The following SNX6 variants were observed in gnomAD, a reference collection of about 807,000 sequenced individuals.
The protein encoded by SNX6 is sorting nexin 6, also known as sorting nexin-6.
In SNX6, 34 loss-of-function variants were observed where a neutral mutation model predicts 63.0. The observed-to-expected ratio is 0.54, with a 90% CI of 0.41 to 0.72. SNX6 has a LOEUF of 0.72. Ranked by LOEUF, SNX6 falls within the 30% of genes least tolerant of loss-of-function variation. The pLI, the probability that SNX6 is intolerant of heterozygous loss-of-function variation, is 0.00. For synonymous variants in SNX6, 170 were observed against 164.2 expected (o/e 1.04, Z -0.27); for missense variants, 398 against 471.4 (o/e 0.84, Z 1.44).
At chr14:34,612,397 G>A (rs1883266219) in intron 2 of SNX6, among the ~76,000 whole-genome samples, 1 of 152,138 alleles carries the variant, frequency 6.6e-6, no homozygotes, top group Non-Finnish European at 1.5e-5. Flanking sequence ...GGGATTTTGA[G>A]ATTATCCTGG....
Position 34,563,080 on chromosome 14 carries a change from T to C in SNX6, c.*42A>G. 6.3e-7 allele frequency: 1 copy of C among 1,588,322 alleles called. No homozygotes were observed. Among genetic ancestry groups the C allele is most frequent in the Non-Finnish European group, 8.6e-7 (1 of 1,161,596 alleles). ...TCATTAAGAAAACAAAAATAAAATTTGAAGGAAGGCAGCCCTTTTTAACAG... is the reference window on the plus strand; with the variant it reads ...TCATTAAGAAAACAAAAATAAAATTCGAAGGAAGGCAGCCCTTTTTAACAG... On this transcript the variant is annotated 3_prime_UTR_variant, in exon 14 of 14. Transcript: ENST00000362031.
rs1365718118 is a variant in SNX6 at position 34,605,926 on chromosome 14, C to G, written c.271-209G>C. Among the ~76,000 whole-genome samples, 3 of 152,056 alleles carry G rather than the reference C, an allele frequency of 2.0e-5. No individual in the cohort carries two copies. In the East Asian group the frequency reaches 5.8e-4, roughly 29 times the overall value. ...CAATGGCTCACGCCTGTAATCCCAG[C>G]ACTTTGGGAGGCTGAGGTGGGCGGA... On this transcript the variant is annotated intron_variant, in intron 4 of 13. Coordinates refer to ENST00000362031, the MANE Select transcript of SNX6 (RefSeq NM_152233.4).
chr14:34,583,437 C>CTTTT (rs34703258), intron 9 of SNX6, among the ~76,000 whole-genome samples: 5 of 108,046 alleles, frequency 4.6e-5, no homozygotes, highest in Admixed American at 1.7e-4. Context: ...TCATTTTTTT[C>CTTTT]TTTTTTTTTT....
At chr14:34,568,064 G>C (rs1351448128) in intron 11 of SNX6, 51 bp from the exon 12 acceptor site, 1 of 1,504,470 alleles carries the variant, frequency 6.6e-7, no homozygotes, top group Non-Finnish European at 9.1e-7. Flanking sequence ...GTTTCCAGTA[G>C]TCACACCCAG....
intron 2 of SNX6, among the ~76,000 whole-genome samples, chr14:34,622,084 TAGTA>T (rs1170525365): frequency 1.3e-5 from 2 of 149,896 alleles, no homozygotes; most frequent in African/African-American, 4.9e-5. Flanking sequence ...TCAGTTTCCC[TAGTA>T]GCTGGGATTA....
Position 34,565,487 on chromosome 14 carries a change from C to A in SNX6, c.1167+2199G>T, listed in dbSNP as rs1247652453. ...GGGCTGTAGTTTACCAACCCCTGAT[C>A]TACAGCAAAACTTTTGGTAGTTCAT... On this transcript the variant is annotated intron_variant, in intron 13 of 13. Transcript: ENST00000362031. Among the ~76,000 whole-genome samples, 5 of 152,160 alleles carry A rather than the reference C, an allele frequency of 3.3e-5. No homozygotes were observed. In the East Asian group the frequency reaches 7.7e-4, roughly 23 times the overall value.
At chr14:34,615,512 G>A (rs1204301810) in intron 2 of SNX6, among the ~76,000 whole-genome samples, 4 of 151,644 alleles carry the variant, frequency 2.6e-5, no homozygotes, top group Non-Finnish European at 5.9e-5. Flanking sequence ...GTAAGCCACC[G>A]CACCTGGCTA....
At chr14:34,627,229 G>A (rs1415502513) in intron 2 of SNX6, among the ~76,000 whole-genome samples, 2 of 152,042 alleles carry the variant, frequency 1.3e-5, no homozygotes, top group Non-Finnish European at 2.9e-5. Context: ...GGCGGATCAC[G>A]AGGTCAGGAG....
intron 11 of SNX6, 149 bp downstream of exon 11, chr14:34,575,607 A>T (rs1282357635): frequency 1.2e-5 from 5 of 428,446 alleles, no homozygotes; most frequent in Non-Finnish European, 2.2e-5. Context: ...ACATATATAC[A>T]ATTTCTAAAA....
At chr14:34,574,496 G>A (rs892390134) in intron 11 of SNX6, among the ~76,000 whole-genome samples, 1 of 150,152 alleles carries the variant, frequency 6.7e-6, no homozygotes. Context: ...CTAAAAATAC[G>A]AAAACTAGCT....
intron 13 of SNX6, among the ~76,000 whole-genome samples, chr14:34,566,498 G>A (rs1881189345): frequency 6.6e-6 from 1 of 152,194 alleles, no homozygotes; most frequent in South Asian, 2.1e-4. Context: ...ACAGGCGTGA[G>A]CCACCGCACC....
chr14:34,622,396 C>G (rs1320106543), intron 2 of SNX6, among the ~76,000 whole-genome samples: 3 of 151,356 alleles, frequency 2.0e-5, no homozygotes, highest in African/African-American at 7.3e-5. Flanking sequence ...CTGGCTAACA[C>G]CGTGAAACCC....
chr14:34,598,389 G>C (rs1012299794), intron 6 of SNX6, among the ~76,000 whole-genome samples: 54 of 152,104 alleles, frequency 3.6e-4, no homozygotes, highest in African/African-American at 1.1e-3. Context: ...AAAGTTCACA[G>C]GATGAAAAAA....
intron 6 of SNX6, among the ~76,000 whole-genome samples, chr14:34,598,267 G>A (rs1393161598): frequency 2.0e-5 from 3 of 152,102 alleles, no homozygotes; most frequent in East Asian, 1.9e-4. Flanking sequence ...CCCCATAAAG[G>A]AGCAATTCAT....
intron 11 of SNX6, among the ~76,000 whole-genome samples, chr14:34,570,210 C>T (rs955300836): frequency 4.0e-5 from 6 of 151,824 alleles, no homozygotes; most frequent in Admixed American, 3.3e-4. Context: ...CTTGAGATTA[C>T]AGGCATGTGC....
At position 34,593,058 on chromosome 14, in the gene SNX6, T is replaced by C. The variant is rs759299441; in HGVS notation, c.705A>G (p.Thr235=). 1 of 1,596,040 alleles carries C rather than the reference T, an allele frequency of 6.3e-7. No homozygotes were observed. Among genetic ancestry groups the C allele is most frequent in the Admixed American group, 1.8e-5 (1 of 55,538 alleles). ...KDASAKSDRM[T]RSHKSAADDY... is the part of the protein sequence containing the mutation. ...GAAAAATCTTACTTTTGTGGGATCT[T>C]GTCATTCTATCAGATTTAGCAGATG... is the stretch of plus-strand genomic sequence containing the variant. The change falls in exon 8 of 14, where the codon ACA becomes ACG. Residue 235 remains threonine (T), a synonymous_variant. Coordinates refer to ENST00000362031, the MANE Select transcript of SNX6 (RefSeq NM_152233.4).
intron 9 of SNX6, among the ~76,000 whole-genome samples, chr14:34,582,959 C>T (rs1333818939): frequency 6.6e-6 from 1 of 151,854 alleles, no homozygotes; most frequent in African/African-American, 2.4e-5. Flanking sequence ...ACTAAAAATA[C>T]AAAAAATTAG....
chr14:34,583,657 A>C (rs1305919897), intron 9 of SNX6, among the ~76,000 whole-genome samples: 1 of 152,132 alleles, frequency 6.6e-6, no homozygotes, highest in Non-Finnish European at 1.5e-5. Flanking sequence ...AGGTTCAAGT[A>C]TTCTGTAAAA....
At chr14:34,605,477 C>T in intron 5 of SNX6, 119 bp downstream of exon 5, 2 of 783,650 alleles carry the variant, frequency 2.6e-6, no homozygotes, top group Non-Finnish European at 3.9e-6. Flanking sequence ...CCTGCATCTT[C>T]CAGAAAGGGT....
Sources: allele counts gnomAD v4.1 joint callset (sites outside exome capture counted in the v4.1 genomes callset), GRCh38; gene constraint gnomAD v4.1.1; transcripts MANE v1.5; gene names NCBI Gene and HGNC (gene_info 2026-07-23, HGNC 2026-07-21).